DNAJC7: variants seen among roughly 807,000 people sequenced by gnomAD.
DNAJC7 encodes DnaJ heat shock protein family (Hsp40) member C7.
In DNAJC7, 18 loss-of-function variants were observed where a neutral mutation model predicts 67.4. The ratio of observed to expected loss-of-function variants is 0.27; its 90% confidence interval spans 0.18 to 0.40. The LOEUF is 0.40. Ranked by LOEUF, DNAJC7 falls within the 10% of genes least tolerant of loss-of-function variation. The probability of loss-of-function intolerance (pLI) is 1.00; values close to 1 mark genes in which losing one functional copy is unlikely to be tolerated. For synonymous variants in DNAJC7, 220 were observed against 207.8 expected, an observed-to-expected ratio of 1.06 and a Z score of -0.50; for missense variants, 419 against 613.8, an observed-to-expected ratio of 0.68 and a Z score of 3.35.
chr17:41,994,561 A>G (rs915735684), intron 5 of DNAJC7, among the ~76,000 whole-genome samples: 30 of 151,756 alleles, frequency 2.0e-4, no homozygotes, highest in African/African-American at 7.0e-4. Flanking sequence ...TCCAAACCTA[A>G]TATTTAATTC....
chr17:41,977,197 C>G, intron 13 of DNAJC7, 64 bp downstream of exon 13: 1 of 1,512,146 alleles, frequency 6.6e-7, no homozygotes. Context: ...AAAGAGCTGC[C>G]TAAGAGGCAA....
chr17:42,004,781 G>A (rs1379657237), intron 1 of DNAJC7, among the ~76,000 whole-genome samples: 1 of 152,182 alleles, frequency 6.6e-6, no homozygotes, highest in Non-Finnish European at 1.5e-5. Flanking sequence ...CAGCACTTTA[G>A]GAGACAGAGA....
rs1407281247 is a variant in DNAJC7, at chr17:41,983,462, C to T, written c.1084+101G>A. On this transcript the variant is annotated intron_variant, in intron 10 of 13. Transcript: ENST00000457167. ...TTTCTGGCTGGTGATCAAATAAGTTCTAGGTAGATCCCTGATCCCTGAATC... is the reference window on the plus strand; with the variant it reads ...TTTCTGGCTGGTGATCAAATAAGTTTTAGGTAGATCCCTGATCCCTGAATC... 10 of 1,083,094 alleles carry T rather than the reference C, an allele frequency of 9.2e-6. No homozygotes were observed. In the East Asian group the frequency reaches 2.7e-4, roughly 29 times the overall value. The allele number at this position is 1,083,094 out of a possible 1,614,324, so 67.1% of individuals were successfully genotyped here.
At chr17:41,988,995 C>A (rs2051447469) in intron 7 of DNAJC7, 99 bp from the exon 8 acceptor site, 4 of 1,450,040 alleles carry the variant, frequency 2.8e-6, no homozygotes, top group Middle Eastern at 2.4e-4. Context: ...TTGCTTCCAG[C>A]AGTTCAGCAT....
At chr17:41,989,340 C>G (rs1242771461) in intron 7 of DNAJC7, 64 bp downstream of exon 7, 8 of 1,581,386 alleles carry the variant, frequency 5.1e-6, no homozygotes, top group African/African-American at 1.4e-5. Flanking sequence ...ACCTTCCACT[C>G]TAGCCATCTT....
At chr17:42,001,898 C>T (rs563250527) in intron 1 of DNAJC7, among the ~76,000 whole-genome samples, 84 of 152,140 alleles carry the variant, frequency 5.5e-4, no homozygotes, top group Non-Finnish European at 1.1e-3. Flanking sequence ...AAGGAGAAGG[C>T]AAATGGGAAT....
intron 9 of DNAJC7, chr17:41,985,330 T>C (rs1300112798): frequency 6.6e-6 from 1 of 151,502 alleles, no homozygotes; most frequent in Non-Finnish European, 1.5e-5. Flanking sequence ...TCAGAATCAA[T>C]GTACAGAATA....
intron 1 of DNAJC7, chr17:42,014,546 G>A (rs1360746148): frequency 2.0e-5 from 3 of 151,664 alleles, no homozygotes; most frequent in African/African-American, 7.3e-5. Context: ...TGCTATATAT[G>A]AGAAACATAA....
At chr17:41,981,609 C>T in intron 12 of DNAJC7, 1 of 473,182 alleles carries the variant, frequency 2.1e-6, no homozygotes, top group Non-Finnish European at 3.7e-6. Flanking sequence ...GGATTACAGG[C>T]ATGACCCATG....
At chr17:42,016,842 T>C (rs1304989629) in intron 1 of DNAJC7, 2 of 622,416 alleles carry the variant, frequency 3.2e-6, no homozygotes, top group Non-Finnish European at 4.2e-6. Context: ...ACCAGGTCAA[T>C]TATGGAGACA....
At position 42,016,020 on chromosome 17, in the gene DNAJC7, G is replaced by A. The variant is rs368574372; in HGVS notation, c.77+1320C>T. ...AGCTCTTTAATGATGTATAAGGGTT[G>A]ATGATGCTTAGCTTTAAATATCTAG... On this transcript the variant is annotated intron_variant, in intron 1 of 13. Coordinates refer to ENST00000457167, the MANE Select transcript of DNAJC7 (RefSeq NM_003315.4). The A allele has an allele frequency of 7.9e-5, 12 of 152,310 alleles. No homozygotes were observed. In the East Asian group the frequency reaches 2.3e-3, roughly 29 times the overall value. The allele number at this position is 152,310 out of a possible 1,614,324, so 9.4% of individuals were successfully genotyped here.
chr17:41,999,880 A>G (rs1171024519), intron 2 of DNAJC7, among the ~76,000 whole-genome samples: 2 of 148,364 alleles, frequency 1.3e-5, no homozygotes, highest in Admixed American at 1.4e-4. Flanking sequence ...GTGCAGTGGC[A>G]CAATCTTGGC....
chr17:42,010,254 C>T (rs868922764), intron 1 of DNAJC7, among the ~76,000 whole-genome samples: 11 of 148,816 alleles, frequency 7.4e-5, no homozygotes, highest in Non-Finnish European at 1.3e-4. Context: ...GAGGCCAAGG[C>T]GGGTGGATCA....
intron 1 of DNAJC7, among the ~76,000 whole-genome samples, chr17:42,010,832 C>T (rs182871918): frequency 8.6e-4 from 131 of 152,286 alleles, no homozygotes; most frequent in African/African-American, 2.9e-3. Flanking sequence ...TAGAATTTCA[C>T]GTCTCAGAAT....
chr17:41,981,856 A>G lies in DNAJC7; in HGVS notation c.1383T>C (p.Gly461=). ...QDLDEEGMNM[G]DFDPNNIFKA... ...CCCAGGCTGCCCCAGCCAACTCACCACCCATATTCATGCCCTCCTCATCTA... is the reference window on the plus strand; with the variant it reads ...CCCAGGCTGCCCCAGCCAACTCACCGCCCATATTCATGCCCTCCTCATCTA... Residue 461 remains glycine (G), a splice_region_variant and synonymous_variant, in exon 12 of 14, where the codon GGT becomes GGC. Coordinates refer to ENST00000457167, the MANE Select transcript of DNAJC7 (RefSeq NM_003315.4). The G allele has an allele frequency of 6.2e-7, 1 of 1,611,602 alleles. No individual in the cohort carries two copies. The highest frequency in any genetic ancestry group is 8.5e-7 in the Non-Finnish European group (1 of 1,179,168).
Position 41,998,129 on chromosome 17 carries a change from T to C in DNAJC7, c.167-890A>G, listed in dbSNP as rs112932507. Among the ~76,000 whole-genome samples, 1,125 of 151,766 alleles carry C rather than the reference T, an allele frequency of 7.4e-3. 9 individuals carry two copies. Among genetic ancestry groups the C allele is most frequent in the African/African-American group, 0.026 (1,083 of 41,456 alleles). On this transcript the variant is annotated intron_variant, in intron 2 of 13. Coordinates refer to ENST00000457167, the MANE Select transcript of DNAJC7 (RefSeq NM_003315.4). ...CCATCTGCCTCAGCCTCCAAAAGCG[T>C]TGGGATTACAGGAGTGAGCTATTGC...
At position 41,981,867 on chromosome 17, in the gene DNAJC7, T is replaced by C. The variant is rs781879792; in HGVS notation, c.1372A>G (p.Met458Val). 2 of 1,613,806 alleles carry C rather than the reference T, an allele frequency of 1.2e-6. No individual in the cohort carries two copies. The highest frequency in any genetic ancestry group is 1.7e-6 in the Non-Finnish European group (2 of 1,179,804). ...CCAGCCAACTCACCACCCATATTCA[T>C]GCCCTCCTCATCTAGGTCCTGTCCA... ...DSGQDLDEEG[M>V]NMGDFDPNNI... Residue 458 changes from methionine to valine, a missense_variant, in exon 12 of 14, where the codon ATG (methionine) becomes GTG (valine). Physicochemically the swap from Met to Val is conservative, Grantham distance 21. This residue lies in a region of DNAJC7 where 161 missense variants were observed against 252.2 expected (regional missense o/e 0.64). Transcript: ENST00000457167.
chr17:41,985,335 AG>A (rs1361784930), intron 9 of DNAJC7: 1 of 152,168 alleles, frequency 6.6e-6, no homozygotes, highest in Non-Finnish European at 1.5e-5. Flanking sequence ...ATCAATGTAC[AG>A]AATAAAATGT....
chr17:41,978,639 C>T (rs1310777841), intron 12 of DNAJC7, among the ~76,000 whole-genome samples: 2 of 152,080 alleles, frequency 1.3e-5, no homozygotes, highest in African/African-American at 4.8e-5. Flanking sequence ...GTGGGTGGAT[C>T]ACGAGGTCAG....
Sources: gnomAD v4.1 joint callset for allele counts (sites outside exome capture counted in the v4.1 genomes callset) on GRCh38, gnomAD v4.1.1 for gene constraint, gnomAD v4.1.1 regional missense constraint, MANE v1.5 for transcripts, NCBI Gene and HGNC (gene_info 2026-07-23, HGNC 2026-07-21) for gene names.